The following KHNYN variants were observed in gnomAD, a reference collection of about 807,000 sequenced individuals.
KHNYN encodes the protein protein KHNYN.
Under a neutral mutation model 62.7 loss-of-function variants are expected in KHNYN, and 42 were observed. The ratio of observed to expected loss-of-function variants is 0.67; its 90% confidence interval spans 0.52 to 0.87. The LOEUF is 0.87. KHNYN is among the 40% of genes least tolerant of loss of function. The pLI, the probability that KHNYN is intolerant of heterozygous loss-of-function variation, is 0.00. For missense variants in KHNYN, 829 were observed against 874.1 expected, an observed-to-expected ratio of 0.95 and a Z score of 0.65; for synonymous variants, 347 against 345.6, an observed-to-expected ratio of 1.00 and a Z score of -0.04.
intron 5 of KHNYN, among the ~76,000 whole-genome samples, chr14:24,433,797 C>G (rs2043163325): frequency 6.6e-6 from 1 of 152,158 alleles, no homozygotes; most frequent in Non-Finnish European, 1.5e-5. Flanking sequence ...GGTTACCTGT[C>G]TTAGCAAAGG....
chr14:24,429,473 A>G (rs2043064487), upstream of KHNYN: 12 of 480,334 alleles, frequency 2.5e-5, no homozygotes, highest in South Asian at 1.9e-4. Flanking sequence ...CAGCCCCTCA[A>G]CCCCTTCCTC....
At position 24,440,643 on chromosome 14, in the gene KHNYN, C is replaced by T. The variant is rs372435674; in HGVS notation, c.*3358C>T. ...CAGTATGGCTGTCTTTAAGACCTCA[C>T]ACCTTCTCATCTGCAGGTTGGCTAG... On this transcript the variant is annotated 3_prime_UTR_variant, in exon 8 of 8. Coordinates refer to ENST00000553935, the MANE Select transcript of KHNYN (RefSeq NM_015299.3). 7.4e-7 allele frequency: 1 copy of T among 1,353,570 alleles called. No homozygotes were observed. The highest frequency in any genetic ancestry group is 1.8e-4 in the Middle Eastern group (1 of 5,408). 83.8% of individuals were successfully genotyped at this position (1,353,570 alleles called of 1,614,324 possible). A position where few individuals can be genotyped will look rare whatever the true frequency, so the allele number is the denominator to read the frequency against.
chr14:24,427,326 G>A, upstream of KHNYN: 1 of 184,976 alleles, frequency 5.4e-6, no homozygotes, highest in Non-Finnish European at 1.1e-5. This position sits in a 1 kb window ranked among gnomAD's most constrained non-coding sequence, Gnocchi z 4.4. Context: ...GGTGCTGGCT[G>A]AGATCCGTGA....
chr14:24,436,306 G>A, intron 6 of KHNYN, 82 bp from the exon 7 acceptor site: 1 of 1,433,470 alleles, frequency 7.0e-7, no homozygotes, highest in African/African-American at 1.4e-5. Flanking sequence ...GGAGCCAGCA[G>A]CTTCTGGTGA....
At chr14:24,429,381 G>A, upstream of KHNYN, 1 of 608,400 alleles carries the variant, frequency 1.6e-6, no homozygotes, top group Non-Finnish European at 3.1e-6. Context: ...AGCACTGAGG[G>A]CTGGACCTGG....
rs146260012 is a variant in KHNYN at position 24,431,777 on chromosome 14, G to T, written c.516G>T (p.Gly172=). 1 of 1,614,158 alleles carries T rather than the reference G, an allele frequency of 6.2e-7. No homozygotes were observed. The highest frequency in any genetic ancestry group is 1.1e-5 in the South Asian group (1 of 91,084). The change falls in exon 3 of 8, where the codon GGG becomes GGT. Residue 172 remains glycine (G), a synonymous_variant. Transcript: ENST00000553935. Reference sequence around the variant, plus strand: ...TCTCTGCCCTGCTGCAGTCCCCGGGGGATGCCCATAGAGAGGCTCTGTTGC... The same window carrying T: ...TCTCTGCCCTGCTGCAGTCCCCGGGTGATGCCCATAGAGAGGCTCTGTTGC... ...RDFSALLQSP[G]DAHREALLQL...
chr14:24,436,991 C>A, intron 7 of KHNYN, 45 bp from the exon 8 acceptor site: 1 of 1,578,492 alleles, frequency 6.3e-7, no homozygotes, highest in Non-Finnish European at 8.6e-7. Flanking sequence ...ATCTAATTTC[C>A]CCCCCAGGAT....
chr14:24,440,518 AG>A lies in KHNYN; in HGVS notation c.*3237del, dbSNP rs1382083394. On this transcript the variant is annotated 3_prime_UTR_variant, in exon 8 of 8. Transcript: ENST00000553935. The stretch of plus-strand genomic sequence containing the variant: ...CTAGAGCAGGAAAGAGGGAAGGTAC[AG>A]GGGTCCTCTCAGCCTTGAAGGAGCC... 6.3e-7 allele frequency: 1 copy of A among 1,584,294 alleles called. No individual in the cohort carries two copies. Among genetic ancestry groups the A allele is most frequent in the Non-Finnish European group, 8.6e-7 (1 of 1,165,360 alleles).
Position 24,441,534 on chromosome 14 carries a change from G to T in KHNYN, c.*4249G>T. On this transcript the variant is annotated 3_prime_UTR_variant, in exon 8 of 8. Transcript: ENST00000553935. Reference sequence around the variant, plus strand: ...CTTAGTGAAAGTACACAAAGGTTAGGAGAAACATGCATGGATCAAGGGCCT... The same window carrying T: ...CTTAGTGAAAGTACACAAAGGTTAGTAGAAACATGCATGGATCAAGGGCCT... The T allele has an allele frequency of 1.5e-6, 1 of 665,248 alleles. No individual in the cohort carries two copies. Among genetic ancestry groups the T allele is most frequent in the Non-Finnish European group, 2.4e-6 (1 of 414,448 alleles). 41.2% of individuals were successfully genotyped at this position (665,248 alleles called of 1,614,324 possible). A position where few individuals can be genotyped will look rare whatever the true frequency, so the allele number is the denominator to read the frequency against.
upstream of KHNYN, chr14:24,427,794 G>A: frequency 6.2e-7 from 1 of 1,613,928 alleles, no homozygotes; most frequent in African/African-American, 1.3e-5. The surrounding 1 kb of genome is among the most constrained non-coding windows in gnomAD (Gnocchi z 4.4). Context: ...GGTCCTCAGA[G>A]AGGGAAGATG....
In KHNYN at chr14:24,437,022, C is replaced by T. The variant is rs1251613011; in HGVS notation, c.1788-14C>T. ...AGGATGCTCATCAGCTCTTTTTGGT[C>T]TGTTTCTTCCCAGGACACAGGGGTC... On this transcript the variant is annotated splice_polypyrimidine_tract_variant and intron_variant, in intron 7 of 7. Transcript: ENST00000553935. This position sits in a 1 kb window ranked among gnomAD's most constrained non-coding sequence, Gnocchi z 5.5. 3.1e-6 allele frequency: 5 copies of T among 1,601,974 alleles called. No individual in the cohort carries two copies. The highest frequency in any genetic ancestry group is 2.6e-6 in the Non-Finnish European group (3 of 1,172,426).
chr14:24,431,909 G>A lies in KHNYN; in HGVS notation c.648G>A (p.Leu216=). 1 of 1,614,062 alleles carries A rather than the reference G, an allele frequency of 6.2e-7. No individual in the cohort carries two copies. The highest frequency in any genetic ancestry group is 8.5e-7 in the Non-Finnish European group (1 of 1,180,012). Residue 216 remains leucine, a synonymous_variant, in exon 3 of 8, where the codon TTG becomes TTA. Transcript: ENST00000553935. ...LASWEGRSSA[L]LGAQCQGVRA... is the part of the protein sequence containing the mutation. ...CTTGGGAGGGGCGGAGCTCAGCCTT[G>A]CTGGGTGCTCAGTGCCAAGGAGTGA...
chr14:24,425,801 A>G (rs1005037438), upstream of KHNYN, among the ~76,000 whole-genome samples: 4 of 152,198 alleles, frequency 2.6e-5, no homozygotes, highest in South Asian at 2.1e-4. Context: ...CATCTGACTA[A>G]TCCATTGTCT....
Position 24,439,315 on chromosome 14 carries a change from CTGAG to C in KHNYN, c.*2033_*2036del. ...CTTTTGTGCTAAGGGCCCTGGTTGA[CTGAG>C]TGGCCCCAGTCAGATGAGAGGCAAG... is the stretch of plus-strand genomic sequence containing the variant. On this transcript the variant is annotated 3_prime_UTR_variant, in exon 8 of 8. Transcript: ENST00000553935. The C allele has an allele frequency of 6.6e-6, 1 of 152,258 alleles. No homozygotes were observed. The highest frequency in any genetic ancestry group is 6.5e-5 in the Admixed American group (1 of 15,294). 9.4% of individuals were successfully genotyped at this position (152,258 alleles called of 1,614,324 possible).
rs112432580 is a variant in KHNYN, at chr14:24,440,773, C to T, written c.*3488C>T. ...TCCAACCCTGTCTGATACCCAGGCC[C>T]GTTTCTCACCTGAGCGCACCACCAC... is the stretch of plus-strand genomic sequence containing the variant. On this transcript the variant is annotated 3_prime_UTR_variant, in exon 8 of 8. Transcript: ENST00000553935. The T allele has an allele frequency of 5.2e-3, 8,364 of 1,613,330 alleles. 138 individuals carry two copies. The African/African-American group carries it at 0.059, about 11-fold the overall frequency.
At position 24,437,055 on chromosome 14, in the gene KHNYN, G is replaced by A. The variant is rs943543727; in HGVS notation, c.1807G>A (p.Ala603Thr). ...TCCCAGGACACAGGGGTCTTCTAAG[G>A]CTCAGCATCCTTCCAGGGGCTTTGC... ...KPARTQGSSK[A>T]QHPSRGFAEH... Residue 603 changes from alanine to threonine, a missense_variant, in exon 8 of 8, where the codon GCT (alanine) becomes ACT (threonine). Ala to Thr is a moderately conservative substitution (Grantham distance 58, BLOSUM62 0). This residue lies in a region of KHNYN where 270 missense variants were observed against 347.1 expected (regional missense o/e 0.78). Transcript: ENST00000553935. This position sits in a 1 kb window ranked among gnomAD's most constrained non-coding sequence, Gnocchi z 5.5. 1 of 1,614,150 alleles carries A rather than the reference G, an allele frequency of 6.2e-7. No homozygotes were observed. Among genetic ancestry groups the A allele is most frequent in the Non-Finnish European group, 8.5e-7 (1 of 1,180,004 alleles).
rs779039573 is a variant in KHNYN, at chr14:24,440,118, C to G, written c.*2833C>G. On this transcript the variant is annotated 3_prime_UTR_variant, in exon 8 of 8. Transcript: ENST00000553935. Reference sequence around the variant, plus strand: ...ATTTCCTTTAAGGCAGCCCCTAGCTCTGGGAAGGAATACTGGTAGCCAGTG... The same window carrying G: ...ATTTCCTTTAAGGCAGCCCCTAGCTGTGGGAAGGAATACTGGTAGCCAGTG... 2 of 1,610,214 alleles carry G rather than the reference C, an allele frequency of 1.2e-6. No individual in the cohort carries two copies. Among genetic ancestry groups the G allele is most frequent in the East Asian group, 4.5e-5 (2 of 44,764 alleles).
upstream of KHNYN, among the ~76,000 whole-genome samples, chr14:24,425,631 G>T (rs2043012814): frequency 6.6e-6 from 1 of 152,252 alleles, no homozygotes; most frequent in South Asian, 2.1e-4. Flanking sequence ...TTCCTATTTT[G>T]TTTAAGCTAT....
upstream of KHNYN, chr14:24,427,943 G>T: frequency 6.2e-7 from 1 of 1,613,854 alleles, no homozygotes; most frequent in Non-Finnish European, 8.5e-7. The surrounding 1 kb of genome is among the most constrained non-coding windows in gnomAD (Gnocchi z 4.4). Context: ...AGGATCATTG[G>T]CAAAGGCTGA....
Sources: gnomAD v4.1 joint callset for allele counts (sites outside exome capture counted in the v4.1 genomes callset) on GRCh38, gnomAD v4.1.1 for gene constraint, gnomAD v4.1.1 regional missense constraint, Gnocchi (gnomAD v3.1) non-coding constraint, MANE v1.5 for transcripts, NCBI Gene and HGNC (gene_info 2026-07-23, HGNC 2026-07-21) for gene names.